PSD2: variants seen among roughly 807,000 people sequenced by gnomAD.
PSD2 encodes the protein pleckstrin and Sec7 domain containing 2, also known as PH and SEC7 domain-containing protein 2.
Under a neutral mutation model 69.8 loss-of-function variants are expected in PSD2, and 38 were observed. The ratio of observed to expected loss-of-function variants is 0.54; its 90% CI spans 0.42 to 0.71. The LOEUF (loss-of-function observed/expected upper bound fraction) is 0.71, where lower values mean the gene tolerates loss of function less well. PSD2 is among the 30% of genes least tolerant of loss of function. The pLI, the probability that PSD2 is intolerant of heterozygous loss-of-function variation, is 0.00. For synonymous variants in PSD2, 412 were observed against 423.0 expected, an observed-to-expected ratio of 0.97 and a Z score of 0.32; for missense variants, 943 against 1,014.5, an observed-to-expected ratio of 0.93 and a Z score of 0.96.
In PSD2 at chr5:139,821,898, T is replaced by C; in HGVS notation, c.1103T>C (p.Phe368Ser). 2 of 1,603,828 alleles carry C rather than the reference T, an allele frequency of 1.2e-6. No homozygotes were observed. The highest frequency in any genetic ancestry group is 1.1e-5 in the South Asian group (1 of 89,262). Residue 368 changes from phenylalanine (F) to serine (S), a missense_variant, in exon 6 of 15, where the codon TTC becomes TCC. By Grantham distance (155) the Phe-to-Ser change is radical. Around this residue, in one of 3 missense-constraint regions of PSD2, gnomAD observed 312 missense variants for 400.7 expected, o/e 0.78. Transcript: ENST00000274710. ...AGCTTTGAATTGCCTTCCAGAACAT[T>C]CTTGAAGGCCTTCCCGCTGATGGGG... ...GLTLDGALRT[F>S]LKAFPLMGET...
chr5:139,768,142 C>G, the PSD2 span, among the ~76,000 whole-genome samples: 1 of 152,198 alleles, frequency 6.6e-6, no homozygotes, highest in African/African-American at 2.4e-5. Context: ...GGGCCTTGCC[C>G]CGGAACCTGG....
At chr5:139,838,938 A>G (rs6880153) in intron 13 of PSD2, among the ~76,000 whole-genome samples, 166 bp downstream of exon 13, 20,689 of 151,892 alleles carry the variant, frequency 0.14, 2,359 homozygotes, top group African/African-American at 0.31. Context: ...CCACCCCCAC[A>G]TCAACAGGGA....
the PSD2 span, among the ~76,000 whole-genome samples, chr5:139,784,255 G>A: frequency 1.3e-5 from 2 of 151,876 alleles, no homozygotes. Flanking sequence ...AGCTCTTAAT[G>A]TGGGAGGGCC....
chr5:139,786,325 C>T, the PSD2 span, among the ~76,000 whole-genome samples: 22 of 151,976 alleles, frequency 1.4e-4, no homozygotes, highest in East Asian at 3.9e-3. Context: ...AGGTTGAGAC[C>T]GGAGCGAACA....
rs1035058456 is a variant in PSD2, at chr5:139,839,567, G to T, written c.1969-460G>T. 6.6e-6 allele frequency among the ~76,000 whole-genome samples: 1 copy of T among 152,214 alleles called. No individual in the cohort carries two copies. The highest frequency in any genetic ancestry group is 6.5e-5 in the Admixed American group (1 of 15,290). ...CCGCCTGTCTTTGGGTGTGATCCTG[G>T]GTCTGCAACCATTACGTGTATCTGC... On this transcript the variant is annotated intron_variant, in intron 13 of 14. Coordinates refer to ENST00000274710, the MANE Select transcript of PSD2 (RefSeq NM_032289.4). The surrounding 1 kb of genome is among the most constrained non-coding windows in gnomAD (Gnocchi z 5.1).
At chr5:139,757,351 G>A in the PSD2 span, among the ~76,000 whole-genome samples, 1 of 152,250 alleles carries the variant, frequency 6.6e-6, no homozygotes, top group Non-Finnish European at 1.5e-5. Flanking sequence ...GCCTGCATCT[G>A]TGAAAGGGGG....
At chr5:139,766,928 CCCTTCTTTCTTTCTTTCTTTCTTTCTTT>C in the PSD2 span, among the ~76,000 whole-genome samples, 999 of 31,232 alleles carry the variant, frequency 0.032, 26 homozygotes, top group Admixed American at 0.048. Context: ...TTCCTTCCTT[CCCTTCTTTCTTTCTTTCTTTCTTTCTTT>C]CTTTCTTTCT....
intron 4 of PSD2, among the ~76,000 whole-genome samples, chr5:139,816,871 T>C (rs184425578): frequency 5.6e-4 from 86 of 152,340 alleles, no homozygotes; most frequent in African/African-American, 2.0e-3. Context: ...CACGGATGCC[T>C]CGTCCTGAAG....
chr5:139,762,731 T>C, the PSD2 span, among the ~76,000 whole-genome samples: 1 of 152,080 alleles, frequency 6.6e-6, no homozygotes, highest in South Asian at 2.1e-4. Context: ...TCAGAAAGGC[T>C]ACAGACCCCT....
intron 8 of PSD2, among the ~76,000 whole-genome samples, chr5:139,834,046 T>A (rs761164417): frequency 3.9e-5 from 6 of 152,172 alleles, no homozygotes; most frequent in Non-Finnish European, 5.9e-5. Context: ...TAATCAACAC[T>A]GCTATGAACT....
At chr5:139,770,657 C>T in the PSD2 span, among the ~76,000 whole-genome samples, 1 of 152,182 alleles carries the variant, frequency 6.6e-6, no homozygotes, top group East Asian at 1.9e-4. Flanking sequence ...ATAAGCCAAC[C>T]GCTGACACTA....
intron 4 of PSD2, among the ~76,000 whole-genome samples, chr5:139,816,012 A>G (rs76515156): frequency 0.068 from 10,255 of 150,016 alleles, 389 homozygotes; most frequent in South Asian, 0.091. Context: ...AAAAAAAAAA[A>G]AAAAGAAAAT....
chr5:139,831,326 G>A (rs1760594565), intron 7 of PSD2, among the ~76,000 whole-genome samples: 6 of 151,848 alleles, frequency 4.0e-5, no homozygotes. Flanking sequence ...TATATTTAAG[G>A]CATATATCTT....
At chr5:139,824,786 G>A (rs1481272934) in intron 7 of PSD2, among the ~76,000 whole-genome samples, 1 of 152,124 alleles carries the variant, frequency 6.6e-6, no homozygotes, top group African/African-American at 2.4e-5. Context: ...TGCAGTTACT[G>A]GGAGCTCTTC....
intron 1 of PSD2, among the ~76,000 whole-genome samples, chr5:139,806,316 C>T (rs1204406845): frequency 1.3e-5 from 2 of 152,238 alleles, no homozygotes; most frequent in African/African-American, 4.8e-5. Context: ...GGCCAACTCT[C>T]TTGGTTGAGG....
chr5:139,823,565 A>C (rs1021136144), intron 7 of PSD2, among the ~76,000 whole-genome samples: 2 of 152,118 alleles, frequency 1.3e-5, no homozygotes, highest in African/African-American at 4.8e-5. Context: ...CAAACTTCAG[A>C]TTCTACTCTT....
At chr5:139,833,228 G>A (rs1485810715) in intron 7 of PSD2, among the ~76,000 whole-genome samples, 3 of 152,028 alleles carry the variant, frequency 2.0e-5, no homozygotes, top group Non-Finnish European at 2.9e-5. Flanking sequence ...GTGAGAGCAC[G>A]GGATTTGGTT....
At chr5:139,813,203 G>A (rs1041530584) in intron 2 of PSD2, 106 bp from the exon 3 acceptor site, 4 of 833,840 alleles carry the variant, frequency 4.8e-6, no homozygotes, top group Non-Finnish European at 7.5e-6. Flanking sequence ...TAGGATGGGG[G>A]AGTGGTGTGC....
the PSD2 span, among the ~76,000 whole-genome samples, chr5:139,748,731 T>C: frequency 3.3e-5 from 5 of 152,214 alleles, no homozygotes; most frequent in Admixed American, 6.5e-5. Flanking sequence ...CGGCCCGTCC[T>C]CCTAGGCAAT....
Sources: allele counts gnomAD v4.1 joint callset (sites outside exome capture counted in the v4.1 genomes callset), GRCh38; gene constraint gnomAD v4.1.1; regional missense constraint gnomAD v4.1.1; non-coding constraint Gnocchi (gnomAD v3.1); transcripts MANE v1.5; gene names NCBI Gene and HGNC (gene_info 2026-07-23, HGNC 2026-07-21).